The following CAMTA1 variants were observed in gnomAD, a reference collection of about 807,000 sequenced individuals.
CAMTA1 encodes calmodulin-binding transcription activator 1.
A neutral mutation model predicts 170.9 loss-of-function variants in CAMTA1; 27 were observed. The ratio of observed to expected loss-of-function variants is 0.16; its 90% confidence interval spans 0.12 to 0.22. The LOEUF (loss-of-function observed/expected upper bound fraction) is 0.22, where lower values mean the gene tolerates loss of function less well. CAMTA1 is among the 10% of genes least tolerant of loss of function. CAMTA1 has a pLI of 1.00. For synonymous variants in CAMTA1, 833 were observed against 891.5 expected (o/e 0.93, Z 1.17); for missense variants, 1,619 against 2,217.2 (o/e 0.73, Z 5.42).
chr1:7,628,744 G>A (rs913909329), intron 6 of CAMTA1, among the ~76,000 whole-genome samples: 9 of 152,272 alleles, frequency 5.9e-5, no homozygotes, highest in East Asian at 1.9e-4. Context: ...TGGGGCGCAC[G>A]TGCTTGGAGA....
rs1572818581 is a variant in CAMTA1, at chr1:7,067,885, A to G, written c.235-23419A>G. ...CTGTAACTCAGTTATTGCCAGTGAG[A>G]TGGCTAGGCACTTCTAGGACAATTT... On this transcript the variant is annotated intron_variant, in intron 3 of 22. Transcript: ENST00000303635. This position sits in a 1 kb window ranked among gnomAD's most constrained non-coding sequence, Gnocchi z 4.3. Among the ~76,000 whole-genome samples, 1 of 152,314 alleles carries G rather than the reference A, an allele frequency of 6.6e-6. No individual in the cohort carries two copies. Among genetic ancestry groups the G allele is most frequent in the East Asian group, 1.9e-4 (1 of 5,186 alleles).
rs1489151504 is a variant in CAMTA1 at position 7,738,208 on chromosome 1, C to G, written c.3908C>G (p.Pro1303Arg). The G allele has an allele frequency of 6.2e-7, 1 of 1,614,020 alleles. No homozygotes were observed. The highest frequency in any genetic ancestry group is 8.5e-7 in the Non-Finnish European group (1 of 1,180,034). ...GACTTCAGCCGGGAACTCTCCCCTC[C>G]CACTCCAGAGACTGCAGCATTTCAA... ...VRDFSRELSP[P>R]TPETAAFQAS... The change falls in exon 16 of 23, where the codon CCC (proline) becomes CGC (arginine). Residue 1303 changes from proline (P) to arginine (R), a missense_variant. By Grantham distance (103) the Pro-to-Arg change is moderately radical (BLOSUM62 -2). This residue lies in a region of CAMTA1 where 370 missense variants were observed against 429.4 expected (regional missense o/e 0.86). Transcript: ENST00000303635. This position sits in a 1 kb window ranked among gnomAD's most constrained non-coding sequence, Gnocchi z 4.9.
In CAMTA1 at chr1:7,093,554, AC is replaced by A. The variant is rs1641725905; in HGVS notation, c.302+2186del. ...CAGACATCTGATTTCAGATACGCAGACCCGTGCTGGGTTTCAGCCACCCTTT... is the reference window on the plus strand; with the variant it reads ...CAGACATCTGATTTCAGATACGCAGACCGTGCTGGGTTTCAGCCACCCTTT... On this transcript the variant is annotated intron_variant, in intron 4 of 22. Transcript: ENST00000303635. This position sits in a 1 kb window ranked among gnomAD's most constrained non-coding sequence, Gnocchi z 4.6. Among the ~76,000 whole-genome samples, 1 of 152,138 alleles carries A rather than the reference AC, an allele frequency of 6.6e-6. No homozygotes were observed. Among genetic ancestry groups the A allele is most frequent in the African/African-American group, 2.4e-5 (1 of 41,422 alleles).
At chr1:6,819,754 C>G (rs1423731888) in intron 1 of CAMTA1, among the ~76,000 whole-genome samples, 1 of 152,170 alleles carries the variant, frequency 6.6e-6, no homozygotes, top group Admixed American at 6.5e-5. Flanking sequence ...CCATCACTCT[C>G]AAATACTTGA....
At chr1:7,749,801 C>A (rs1173992795) in intron 19 of CAMTA1, 1 of 456,262 alleles carries the variant, frequency 2.2e-6, no homozygotes, top group Non-Finnish European at 4.4e-6. Flanking sequence ...GGTAATGATA[C>A]ACCCAAGCCC....
At chr1:7,564,226 T>A (rs1165799116) in intron 6 of CAMTA1, among the ~76,000 whole-genome samples, 3 of 152,182 alleles carry the variant, frequency 2.0e-5, no homozygotes, top group African/African-American at 7.2e-5. Context: ...CTGGCCTTTG[T>A]CACTCCACCT....
intron 5 of CAMTA1, among the ~76,000 whole-genome samples, chr1:7,332,900 T>C (rs2083122932): frequency 6.6e-6 from 1 of 152,222 alleles, no homozygotes; most frequent in African/African-American, 2.4e-5. Flanking sequence ...GCTTGTGTGC[T>C]GAGAGGTGCA....
intron 6 of CAMTA1, among the ~76,000 whole-genome samples, chr1:7,498,609 ATC>A (rs1296602952): frequency 2.6e-5 from 4 of 152,020 alleles, no homozygotes; most frequent in South Asian, 2.1e-4. Context: ...GAGTGTGAAC[ATC>A]TGTGTGCAGT....
At chr1:7,404,927 G>A (rs1219972370) in intron 5 of CAMTA1, among the ~76,000 whole-genome samples, 2 of 152,052 alleles carry the variant, frequency 1.3e-5, no homozygotes, top group African/African-American at 4.8e-5. Context: ...TGTTTTTTGG[G>A]GTTTGTTTGT....
chr1:7,507,040 AT>A (rs1420249317), intron 6 of CAMTA1, among the ~76,000 whole-genome samples: 1 of 149,490 alleles, frequency 6.7e-6, no homozygotes, highest in Non-Finnish European at 1.5e-5. Context: ...TCATGCTCAC[AT>A]TATCACACTC....
chr1:7,004,858 C>T (rs1358717999), intron 3 of CAMTA1, among the ~76,000 whole-genome samples: 2 of 152,220 alleles, frequency 1.3e-5, no homozygotes, highest in Non-Finnish European at 2.9e-5. Flanking sequence ...ACTTCTGCCT[C>T]CCAGGTTCAA....
intron 5 of CAMTA1, among the ~76,000 whole-genome samples, chr1:7,402,102 C>A (rs753728052): frequency 2.6e-5 from 4 of 152,208 alleles, no homozygotes; most frequent in Admixed American, 6.5e-5. Context: ...AGCACTCTGA[C>A]ATGAATAGTT....
intron 4 of CAMTA1, among the ~76,000 whole-genome samples, chr1:7,124,986 C>T (rs189404501): frequency 2.6e-5 from 4 of 152,310 alleles, no homozygotes; most frequent in African/African-American, 7.2e-5. Flanking sequence ...AGTGCCGTCT[C>T]TGCTCTGTCC....
chr1:6,794,980 A>G (rs190178812), intron 1 of CAMTA1, among the ~76,000 whole-genome samples: 39 of 150,004 alleles, frequency 2.6e-4, no homozygotes, highest in African/African-American at 9.6e-4. Context: ...ACCCCATATT[A>G]TTCAGAATTA....
At chr1:7,394,807 G>T (rs1211604746) in intron 5 of CAMTA1, among the ~76,000 whole-genome samples, 1 of 93,534 alleles carries the variant, frequency 1.1e-5, no homozygotes, top group African/African-American at 3.8e-5. Flanking sequence ...ATATTTTCTT[G>T]TAGTTGTGTG....
intron 6 of CAMTA1, among the ~76,000 whole-genome samples, chr1:7,619,043 A>G (rs1425665461): frequency 6.6e-6 from 1 of 152,224 alleles, no homozygotes; most frequent in Non-Finnish European, 1.5e-5. Context: ...GAGGCAGCTG[A>G]GGCTGTGTGG....
chr1:7,297,093 C>G (rs958595652), intron 5 of CAMTA1, among the ~76,000 whole-genome samples: 4 of 152,120 alleles, frequency 2.6e-5, no homozygotes, highest in African/African-American at 7.2e-5. Flanking sequence ...CCTAATTTTG[C>G]AAAAATAATT....
Position 7,007,054 on chromosome 1 carries a change from T to C in CAMTA1, c.235-84250T>C. Among the ~76,000 whole-genome samples the C allele has an allele frequency of 6.6e-6, 1 of 151,790 alleles. No homozygotes were observed. Among genetic ancestry groups the C allele is most frequent in the East Asian group, 1.9e-4 (1 of 5,174 alleles). The stretch of plus-strand genomic sequence containing the variant: ...TTTTTGGATACGGTATTAATAATGT[T>C]ACGGAATGGGCTTTCAGTTTGGCCA... On this transcript the variant is annotated intron_variant, in intron 3 of 22. Transcript: ENST00000303635. The surrounding 1 kb of genome is among the most constrained non-coding windows in gnomAD (Gnocchi z 4.5).
chr1:7,565,734 C>T lies in CAMTA1; in HGVS notation c.511-74666C>T, dbSNP rs1055533761. Among the ~76,000 whole-genome samples, 3 of 152,116 alleles carry T rather than the reference C, an allele frequency of 2.0e-5. No homozygotes were observed. The highest frequency in any genetic ancestry group is 6.5e-5 in the Admixed American group (1 of 15,282). On this transcript the variant is annotated intron_variant, in intron 6 of 22. Transcript: ENST00000303635. The surrounding 1 kb of genome is among the most constrained non-coding windows in gnomAD (Gnocchi z 4.5). ...TGTTTTATGTTGTTTGTTTTGTCCT[C>T]GTGTCTTAGTCTACTCAGGCTGCCA...
Sources: allele counts gnomAD v4.1 joint callset (sites outside exome capture counted in the v4.1 genomes callset), GRCh38; gene constraint gnomAD v4.1.1; regional missense constraint gnomAD v4.1.1; non-coding constraint Gnocchi (gnomAD v3.1); transcripts MANE v1.5; gene names NCBI Gene and HGNC (gene_info 2026-07-23, HGNC 2026-07-21).